The following TMEM272 variants were observed in gnomAD, a reference collection of about 807,000 sequenced individuals.
TMEM272 encodes long intergenic non-protein coding RNA 282.
In TMEM272, 8 loss-of-function variants were observed where a neutral mutation model predicts 3.7. The observed-to-expected ratio is 2.17, with a 90% CI of 1.27 to 3.91. TMEM272 has a LOEUF of 3.91. Ranked by LOEUF, TMEM272 falls within the 30% of genes most tolerant of loss-of-function variation. TMEM272 has a pLI of 0.00. For synonymous variants in TMEM272, 63 were observed against 39.8 expected, an observed-to-expected ratio of 1.58 and a Z score of -2.20; for missense variants, 166 against 91.5, an observed-to-expected ratio of 1.81 and a Z score of -3.32.
the TMEM272 span, among the ~76,000 whole-genome samples, chr13:51,918,047 C>T: frequency 2.0e-5 from 3 of 152,180 alleles, no homozygotes; most frequent in East Asian, 1.9e-4. Flanking sequence ...TTCCAAATAT[C>T]GATCTCTCTC....
At chr13:51,860,508 G>A in the TMEM272 span, among the ~76,000 whole-genome samples, 1 of 151,696 alleles carries the variant, frequency 6.6e-6, no homozygotes, top group Non-Finnish European at 1.5e-5. Flanking sequence ...GTCTGGTGGC[G>A]CACGCCTGTA....
At chr13:51,888,297 C>T in the TMEM272 span, among the ~76,000 whole-genome samples, 9 of 152,128 alleles carry the variant, frequency 5.9e-5, no homozygotes, top group African/African-American at 1.4e-4. Flanking sequence ...CCGTTCACCT[C>T]GGACTCCCAA....
the TMEM272 span, among the ~76,000 whole-genome samples, chr13:51,927,099 AG>A: frequency 6.6e-6 from 1 of 152,180 alleles, no homozygotes; most frequent in South Asian, 2.1e-4. Flanking sequence ...GGTTCCCAGA[AG>A]TAATACATGT....
intron 2 of TMEM272, among the ~76,000 whole-genome samples, chr13:51,833,594 G>A (rs868099881): frequency 6.6e-5 from 10 of 152,296 alleles, no homozygotes; most frequent in Middle Eastern, 3.4e-3. Flanking sequence ...GACAAGAATG[G>A]TGGAGGCACT....
chr13:51,905,785 G>C, the TMEM272 span, among the ~76,000 whole-genome samples: 1 of 152,264 alleles, frequency 6.6e-6, no homozygotes, highest in Non-Finnish European at 1.5e-5. Flanking sequence ...CATTAGCCTC[G>C]GTTAATGTCA....
the TMEM272 span, among the ~76,000 whole-genome samples, chr13:51,900,850 T>C: frequency 6.6e-6 from 1 of 152,200 alleles, no homozygotes; most frequent in African/African-American, 2.4e-5. Flanking sequence ...ATGCTAAGTA[T>C]AAGAAGCCAG....
the TMEM272 span, among the ~76,000 whole-genome samples, chr13:51,928,860 A>G: frequency 6.6e-6 from 1 of 152,156 alleles, no homozygotes; most frequent in Non-Finnish European, 1.5e-5. Context: ...AAATACTGTG[A>G]GCCCTTTAAA....
chr13:51,932,113 C>G, the TMEM272 span, among the ~76,000 whole-genome samples: 1 of 152,256 alleles, frequency 6.6e-6, no homozygotes, highest in Admixed American at 6.5e-5. Context: ...TTCATAGTGC[C>G]TCCTTCCACT....
the TMEM272 span, among the ~76,000 whole-genome samples, chr13:51,907,716 C>T: frequency 6.6e-6 from 1 of 152,356 alleles, no homozygotes; most frequent in East Asian, 1.9e-4. Flanking sequence ...AGTACTTTCC[C>T]TTCTGTTGGG....
chr13:51,859,287 A>G, the TMEM272 span, among the ~76,000 whole-genome samples: 1 of 152,136 alleles, frequency 6.6e-6, no homozygotes, highest in Non-Finnish European at 1.5e-5. Flanking sequence ...ACTGGAGAAT[A>G]AGACGGAGAC....
the TMEM272 span, among the ~76,000 whole-genome samples, chr13:51,879,720 A>T: frequency 6.6e-6 from 1 of 152,224 alleles, no homozygotes; most frequent in Non-Finnish European, 1.5e-5. Flanking sequence ...GCCAGACACC[A>T]AGCATACAAC....
the TMEM272 span, among the ~76,000 whole-genome samples, chr13:51,905,347 C>A: frequency 6.6e-6 from 1 of 152,210 alleles, no homozygotes; most frequent in Non-Finnish European, 1.5e-5. Flanking sequence ...ACCTCGGACA[C>A]GGCAGGTCCC....
the TMEM272 span, among the ~76,000 whole-genome samples, chr13:51,855,456 G>C: frequency 6.6e-6 from 1 of 151,320 alleles, no homozygotes; most frequent in African/African-American, 2.4e-5. Context: ...AAACCAAGAG[G>C]GAAAAAAAGA....
chr13:51,874,536 G>A, the TMEM272 span, among the ~76,000 whole-genome samples: 6 of 151,942 alleles, frequency 3.9e-5, no homozygotes, highest in African/African-American at 1.5e-4. Context: ...CACAGTAGGC[G>A]CTTCTCATCC....
At chr13:51,896,362 C>T in the TMEM272 span, among the ~76,000 whole-genome samples, 2 of 152,162 alleles carry the variant, frequency 1.3e-5, no homozygotes, top group African/African-American at 2.4e-5. Context: ...GTGTGTAACA[C>T]AAATGTATGT....
chr13:51,909,637 A>C, the TMEM272 span: 1 of 1,470,530 alleles, frequency 6.8e-7, no homozygotes, highest in Admixed American at 1.7e-5. Flanking sequence ...TCTCCTTCTA[A>C]GGTTGTTAAA....
At chr13:51,918,671 G>A in the TMEM272 span, among the ~76,000 whole-genome samples, 8 of 152,024 alleles carry the variant, frequency 5.3e-5, no homozygotes, top group Non-Finnish European at 2.9e-5. Context: ...TGTCATCCAG[G>A]CTGGAGCACA....
the TMEM272 span, among the ~76,000 whole-genome samples, chr13:51,915,183 C>T: frequency 9.8e-5 from 15 of 152,288 alleles, no homozygotes; most frequent in Non-Finnish European, 2.1e-4. Flanking sequence ...CTCTGATTGA[C>T]TTTTCATCTG....
At chr13:51,845,423 C>T (rs1265633572), upstream of TMEM272, among the ~76,000 whole-genome samples, 1 of 152,210 alleles carries the variant, frequency 6.6e-6, no homozygotes, top group Non-Finnish European at 1.5e-5. Context: ...CTTCTCACCC[C>T]TTGCCCTCCC....
Sources: gnomAD v4.1 joint callset for allele counts (sites outside exome capture counted in the v4.1 genomes callset) on GRCh38, gnomAD v4.1.1 for gene constraint, MANE v1.5 for transcripts, NCBI Gene and HGNC (gene_info 2026-07-23, HGNC 2026-07-21) for gene names.